CDH13: variants seen among roughly 807,000 people sequenced by gnomAD.
The protein encoded by CDH13 is cadherin-13.
A neutral mutation model predicts 63.8 loss-of-function variants in CDH13; 24 were observed. That is an observed-to-expected ratio of 0.38 (90% CI 0.27 to 0.53). The LOEUF is 0.53. Ranked by LOEUF, CDH13 falls within the 20% of genes least tolerant of loss-of-function variation. CDH13 has a pLI of 0.85. For synonymous variants in CDH13, 503 were observed against 355.3 expected (o/e 1.42, Z -4.67); for missense variants, 1,049 against 903.1 (o/e 1.16, Z -2.07).
intron 5 of CDH13, among the ~76,000 whole-genome samples, chr16:83,271,741 ATTAT>A (rs1428138012): frequency 1.3e-5 from 2 of 152,182 alleles, no homozygotes; most frequent in African/African-American, 2.4e-5. Flanking sequence ...TTTTACTAGA[ATTAT>A]TTATTTAGGA....
chr16:83,306,599 C>A (rs1276963097), intron 5 of CDH13, among the ~76,000 whole-genome samples: 2 of 152,156 alleles, frequency 1.3e-5, no homozygotes, highest in African/African-American at 4.8e-5. Context: ...GCCTGCAAAC[C>A]TGAGCTAAAT....
intron 4 of CDH13, among the ~76,000 whole-genome samples, chr16:83,205,885 G>T: frequency 6.6e-6 from 1 of 152,138 alleles, no homozygotes; most frequent in Non-Finnish European, 1.5e-5. Flanking sequence ...TTATAGGTGT[G>T]AGCCACGGTG....
At chr16:82,851,281 A>G (rs1056910315) in intron 1 of CDH13, among the ~76,000 whole-genome samples, 7 of 152,062 alleles carry the variant, frequency 4.6e-5, no homozygotes, top group African/African-American at 1.7e-4. Context: ...TAAAAATACA[A>G]AAAATTAGCT....
chr16:83,651,640 G>A (rs535083719), intron 8 of CDH13, among the ~76,000 whole-genome samples: 6 of 125,998 alleles, frequency 4.8e-5, no homozygotes, highest in African/African-American at 1.8e-4. Flanking sequence ...CTGTCACCCA[G>A]GCTGGAGTGC....
rs375363989 is a variant in CDH13 at position 83,044,247 on chromosome 16, T to G, written c.366+12029T>G. On this transcript the variant is annotated intron_variant, in intron 3 of 13. Transcript: ENST00000567109. Reference sequence around the variant, plus strand: ...CATCAGTAAGTGGCAGGACTGGAAGTTGAGCTGGGCCTTCTGATTTTGTGG... The same window carrying G: ...CATCAGTAAGTGGCAGGACTGGAAGGTGAGCTGGGCCTTCTGATTTTGTGG... Among the ~76,000 whole-genome samples, 714 of 152,338 alleles carry G rather than the reference T, an allele frequency of 4.7e-3. 8 individuals carry two copies. Among genetic ancestry groups the G allele is most frequent in the Middle Eastern group, 0.024 (7 of 294 alleles).
chr16:82,739,040 G>A (rs893054052), intron 1 of CDH13, among the ~76,000 whole-genome samples: 2 of 152,066 alleles, frequency 1.3e-5, no homozygotes, highest in African/African-American at 4.8e-5. Context: ...TCTTCCTTTC[G>A]GAAATGAATC....
rs78715037 is a variant in CDH13 at position 82,630,604 on chromosome 16, G to A, written c.45+3467G>A. On this transcript the variant is annotated intron_variant, in intron 1 of 13. Coordinates refer to ENST00000567109, the MANE Select transcript of CDH13 (RefSeq NM_001257.5). ...TACTCAATAACTGCATTATCTAAAAGCATCAGCACTTGGATGTGTAAACTG... is the reference window on the plus strand; with the variant it reads ...TACTCAATAACTGCATTATCTAAAAACATCAGCACTTGGATGTGTAAACTG... Among the ~76,000 whole-genome samples, 479 of 151,496 alleles carry A rather than the reference G, an allele frequency of 3.2e-3. 2 individuals carry two copies. Among genetic ancestry groups the A allele is most frequent in the African/African-American group, 0.011 (457 of 40,768 alleles).
intron 3 of CDH13, among the ~76,000 whole-genome samples, chr16:83,115,409 C>T (rs2035245711): frequency 6.6e-6 from 1 of 152,208 alleles, no homozygotes; most frequent in African/African-American, 2.4e-5. Flanking sequence ...ACTAGGATCC[C>T]AGGCAAATCT....
intron 1 of CDH13, among the ~76,000 whole-genome samples, chr16:82,834,425 T>C (rs1567582669): frequency 6.6e-6 from 1 of 152,086 alleles, no homozygotes; most frequent in Non-Finnish European, 1.5e-5. Context: ...GGAGATCAGG[T>C]TTATCTGACT....
intron 5 of CDH13, among the ~76,000 whole-genome samples, chr16:83,278,210 A>C (rs1052379722): frequency 6.6e-6 from 1 of 152,204 alleles, no homozygotes; most frequent in African/African-American, 2.4e-5. Flanking sequence ...GATTTTTAAA[A>C]AGTACAACCC....
intron 6 of CDH13, among the ~76,000 whole-genome samples, chr16:83,442,054 A>C (rs895926583): frequency 2.6e-5 from 4 of 152,082 alleles, no homozygotes; most frequent in African/African-American, 9.7e-5. Flanking sequence ...CCACAAGCAA[A>C]ATAGCCATGC....
chr16:82,864,831 C>T (rs2040068267), intron 2 of CDH13, among the ~76,000 whole-genome samples: 1 of 152,164 alleles, frequency 6.6e-6, no homozygotes, highest in African/African-American at 2.4e-5. Flanking sequence ...AGGTCCAAGT[C>T]CAAAGTCTCA....
intron 11 of CDH13, among the ~76,000 whole-genome samples, chr16:83,774,732 G>C (rs879602555): frequency 2.0e-5 from 3 of 152,150 alleles, no homozygotes; most frequent in Non-Finnish European, 4.4e-5. Flanking sequence ...CCCCAGAGTC[G>C]TCAGATTCAT....
chr16:83,659,974 A>G (rs1913290297), intron 8 of CDH13, among the ~76,000 whole-genome samples: 1 of 151,764 alleles, frequency 6.6e-6, no homozygotes, highest in African/African-American at 2.4e-5. Context: ...TTTTGTAGAG[A>G]CGGGATTTCG....
intron 4 of CDH13, among the ~76,000 whole-genome samples, chr16:83,186,446 C>A (rs991285294): frequency 2.6e-5 from 4 of 152,110 alleles, no homozygotes; most frequent in African/African-American, 9.7e-5. Context: ...CTAATGGCAT[C>A]TTAGTCATTC....
chr16:83,501,751 G>T (rs1373274560), intron 7 of CDH13, among the ~76,000 whole-genome samples: 1 of 152,166 alleles, frequency 6.6e-6, no homozygotes, highest in Non-Finnish European at 1.5e-5. Flanking sequence ...ACTCCCTTGG[G>T]CTATTAAAGA....
chr16:83,620,973 T>C (rs1909757682), intron 8 of CDH13, among the ~76,000 whole-genome samples: 1 of 152,130 alleles, frequency 6.6e-6, no homozygotes, highest in Non-Finnish European at 1.5e-5. Context: ...CCAGCCAGTG[T>C]GAATATCTGA....
intron 1 of CDH13, among the ~76,000 whole-genome samples, chr16:82,630,253 A>T (rs1231740906): frequency 6.6e-6 from 1 of 152,206 alleles, no homozygotes; most frequent in African/African-American, 2.4e-5. Context: ...AATACATGAC[A>T]GCCTGTAAGA....
rs1328349099 is a variant in CDH13 at position 83,026,895 on chromosome 16, G to A, written c.158-5115G>A. ...AGGCACCACCTCTGACTTCACCAAT[G>A]AGCTAGGTCAGAGCTAAGCAGAGCG... On this transcript the variant is annotated intron_variant, in intron 2 of 13. Coordinates refer to ENST00000567109, the MANE Select transcript of CDH13 (RefSeq NM_001257.5). 3.3e-5 allele frequency among the ~76,000 whole-genome samples: 5 copies of A among 152,276 alleles called. No individual in the cohort carries two copies. The East Asian group carries it at 5.8e-4, about 18-fold the overall frequency.
Sources: allele counts gnomAD v4.1 joint callset (sites outside exome capture counted in the v4.1 genomes callset), GRCh38; gene constraint gnomAD v4.1.1; transcripts MANE v1.5; gene names NCBI Gene and HGNC (gene_info 2026-07-23, HGNC 2026-07-21).